MYO16: variants seen among roughly 807,000 people sequenced by gnomAD.
MYO16 encodes the protein myosin XVI, also known as unconventional myosin-XVI.
MYO16 carries 94 observed loss-of-function variants against 205.3 expected under a neutral mutation model. The observed-to-expected ratio is 0.46, with a 90% CI of 0.39 to 0.54. The LOEUF is 0.54. Ranked by LOEUF, MYO16 falls within the 20% of genes least tolerant of loss-of-function variation. MYO16 has a pLI of 0.00. For synonymous variants in MYO16, 988 were observed against 954.0 expected (o/e 1.04, Z -0.66); for missense variants, 2,315 against 2,387.5 (o/e 0.97, Z 0.63).
intron 10 of MYO16, among the ~76,000 whole-genome samples, chr13:108,853,596 ATTTT>A (rs35080410): frequency 2.3e-5 from 3 of 130,264 alleles, no homozygotes; most frequent in Non-Finnish European, 3.2e-5. Flanking sequence ...TGAGATCTAG[ATTTT>A]TTTTTTTTTT....
the MYO16 span, among the ~76,000 whole-genome samples, chr13:108,528,743 C>T: frequency 0.045 from 5,269 of 116,796 alleles, 171 homozygotes; most frequent in Middle Eastern, 0.15. Context: ...CACCTCCCCT[C>T]ACCTCCCCTT....
intron 29 of MYO16, among the ~76,000 whole-genome samples, chr13:109,124,354 TGG>T (rs1205288234): frequency 1.3e-5 from 2 of 152,218 alleles, no homozygotes; most frequent in African/African-American, 2.4e-5. Flanking sequence ...TGTGTTGACC[TGG>T]AGGAACTTTC....
chr13:109,023,601 G>A (rs1744342479), intron 23 of MYO16, among the ~76,000 whole-genome samples: 2 of 120,836 alleles, frequency 1.7e-5, no homozygotes, highest in Admixed American at 9.7e-5. Flanking sequence ...AAATATAAAT[G>A]TACATATTTA....
chr13:108,937,034 T>C (rs7336539), intron 16 of MYO16, among the ~76,000 whole-genome samples: 4,265 of 152,328 alleles, frequency 0.028, 210 homozygotes, highest in African/African-American at 0.094. Flanking sequence ...CTTATAAGGC[T>C]GGCCTATGTG....
At chr13:109,040,735 T>A (rs1381733570) in intron 23 of MYO16, among the ~76,000 whole-genome samples, 1 of 152,170 alleles carries the variant, frequency 6.6e-6, no homozygotes, top group African/African-American at 2.4e-5. Context: ...AAAGAGTTTC[T>A]ACAAAAATCC....
At chr13:108,634,119 T>C (rs528048266) in intron 1 of MYO16, among the ~76,000 whole-genome samples, 29 of 152,104 alleles carry the variant, frequency 1.9e-4, no homozygotes, top group South Asian at 8.3e-4. Context: ...AACATCATGA[T>C]CAAACATCTC....
intron 3 of MYO16, among the ~76,000 whole-genome samples, chr13:108,722,384 A>G (rs1884196875): frequency 6.6e-6 from 1 of 152,214 alleles, no homozygotes; most frequent in South Asian, 2.1e-4. Context: ...TGTAACAGGA[A>G]TGTTCCACCA....
chr13:109,179,911 A>G (rs1264526748), intron 34 of MYO16, among the ~76,000 whole-genome samples: 1 of 152,190 alleles, frequency 6.6e-6, no homozygotes, highest in Non-Finnish European at 1.5e-5. Flanking sequence ...GTGGTACTTT[A>G]AAATTATTCT....
chr13:109,025,389 A>G (rs1306390205), intron 23 of MYO16, among the ~76,000 whole-genome samples: 2 of 152,188 alleles, frequency 1.3e-5, no homozygotes, highest in African/African-American at 4.8e-5. Context: ...TTCTAAACAC[A>G]TTTGAATTTT....
chr13:109,023,901 A>G (rs1886260919), intron 23 of MYO16, among the ~76,000 whole-genome samples: 2 of 139,184 alleles, frequency 1.4e-5, no homozygotes, highest in South Asian at 4.4e-4. Flanking sequence ...TATTTAATCA[A>G]TACATATATA....
At chr13:108,956,808 C>A (rs1328020591) in intron 16 of MYO16, among the ~76,000 whole-genome samples, 1 of 152,122 alleles carries the variant, frequency 6.6e-6, no homozygotes, top group Non-Finnish European at 1.5e-5. Flanking sequence ...TACCTAGACT[C>A]TATCTCTCTG....
At chr13:108,924,464 G>A (rs941428056) in intron 16 of MYO16, among the ~76,000 whole-genome samples, 3 of 152,114 alleles carry the variant, frequency 2.0e-5, no homozygotes, top group African/African-American at 4.8e-5. Flanking sequence ...CCCTCACCCC[G>A]TGTTGTCAGA....
At chr13:108,647,106 C>T (rs1169088414) in intron 1 of MYO16, among the ~76,000 whole-genome samples, 1 of 152,156 alleles carries the variant, frequency 6.6e-6, no homozygotes, top group African/African-American at 2.4e-5. Flanking sequence ...ATTCTTGTCA[C>T]TGCAGTTTGA....
intron 27 of MYO16, among the ~76,000 whole-genome samples, chr13:109,077,022 C>T (rs553324410): frequency 3.1e-4 from 44 of 140,868 alleles, no homozygotes; most frequent in African/African-American, 1.0e-3. Flanking sequence ...GATGGAGTCT[C>T]GCTCTGTCGC....
intron 27 of MYO16, among the ~76,000 whole-genome samples, chr13:109,089,411 G>A (rs1385535868): frequency 6.6e-6 from 1 of 151,666 alleles, no homozygotes; most frequent in African/African-American, 2.4e-5. Flanking sequence ...ACGGGGTTTC[G>A]CCATTTTGGG....
chr13:109,046,926 A>G lies in MYO16; in HGVS notation c.2807A>G (p.Asp936Gly). 2 of 1,607,020 alleles carry G rather than the reference A, an allele frequency of 1.2e-6. No individual in the cohort carries two copies. Among genetic ancestry groups the G allele is most frequent in the Non-Finnish European group, 1.7e-6 (2 of 1,173,794 alleles). Residue 936 changes from aspartate (D) to glycine (G), a missense_variant, in exon 24 of 35, where the codon GAT becomes GGT. Around this residue, in one of 3 missense-constraint regions of MYO16, gnomAD observed 1,213 missense variants for 1,274.4 expected, o/e 0.95. Transcript: ENST00000457511. ...IMHYAGRVMY[D>G]VVGAIEKNKD... is the part of the protein sequence containing the mutation. Reference sequence around the variant, plus strand: ...TTTCTTTTATTCTAGGTAATGTATGATGTTGTTGGGGCGATTGAAAAAAAT... The same window carrying G: ...TTTCTTTTATTCTAGGTAATGTATGGTGTTGTTGGGGCGATTGAAAAAAAT...
chr13:108,639,557 C>T (rs999336863), intron 1 of MYO16, among the ~76,000 whole-genome samples: 7 of 152,282 alleles, frequency 4.6e-5, no homozygotes, highest in Admixed American at 4.6e-4. Context: ...AATGTCTCAA[C>T]CCTGAATGAC....
chr13:108,830,165 C>T (rs1395527187), intron 9 of MYO16, among the ~76,000 whole-genome samples: 121 of 116,692 alleles, frequency 1.0e-3, no homozygotes, highest in African/African-American at 1.6e-3. Context: ...GCTGGTGGGA[C>T]TGTAAACTAG....
rs186861961 is a variant in MYO16, at chr13:108,961,711, T to C, written c.2155+55T>C. 1.7e-4 allele frequency: 231 copies of C among 1,391,362 alleles called. 1 individual carries two copies. In the Middle Eastern group the frequency reaches 1.9e-3, roughly 12 times the overall value. The allele number at this position is 1,391,362 out of a possible 1,614,324, so 86.2% of individuals were successfully genotyped here. A position where few individuals can be genotyped will look rare whatever the true frequency, so the allele number is the denominator to read the frequency against. The stretch of plus-strand genomic sequence containing the variant: ...CCACATTGATGTGCAATTTTGTAGA[T>C]CTACCAGTAGATGGCGACATAGTAC... On this transcript the variant is annotated intron_variant, in intron 18 of 34. Coordinates refer to ENST00000457511, the MANE Select transcript of MYO16 (RefSeq NM_001198950.3).
Sources: gnomAD v4.1 joint callset for allele counts (sites outside exome capture counted in the v4.1 genomes callset) on GRCh38, gnomAD v4.1.1 for gene constraint, gnomAD v4.1.1 regional missense constraint, MANE v1.5 for transcripts, NCBI Gene and HGNC (gene_info 2026-07-23, HGNC 2026-07-21) for gene names.